Variants in POU2AF1 observed in about 807,000 individuals in gnomAD.
The protein encoded by POU2AF1 is POU domain class 2-associating factor 1.
In POU2AF1, 12 loss-of-function variants were observed where a neutral mutation model predicts 26.3. The ratio of observed to expected loss-of-function variants is 0.46; its 90% CI spans 0.29 to 0.74. The LOEUF (loss-of-function observed/expected upper bound fraction) is 0.74, where lower values mean the gene tolerates loss of function less well. Among genes scored for constraint, POU2AF1 ranks in the 30% least tolerant of loss-of-function variants. The probability of loss-of-function intolerance (pLI) is 0.09; values close to 1 mark genes in which losing one functional copy is unlikely to be tolerated. For missense variants in POU2AF1, 297 were observed against 334.5 expected, an observed-to-expected ratio of 0.89 and a Z score of 0.87; for synonymous variants, 175 against 148.0, an observed-to-expected ratio of 1.18 and a Z score of -1.32.
chr11:111,374,582 G>A (rs1447987630), intron 1 of POU2AF1, among the ~76,000 whole-genome samples: 1 of 152,200 alleles, frequency 6.6e-6, no homozygotes, highest in Non-Finnish European at 1.5e-5. Flanking sequence ...TATAATCTCA[G>A]CTACACAGGA....
intron 1 of POU2AF1, among the ~76,000 whole-genome samples, chr11:111,376,820 G>A (rs983316775): frequency 1.3e-5 from 2 of 152,080 alleles, no homozygotes; most frequent in Non-Finnish European, 2.9e-5. Context: ...TTTCCCACAC[G>A]GTTTAGTCAC....
chr11:111,363,095 A>G, intron 1 of POU2AF1: 1 of 993,752 alleles, frequency 1.0e-6, no homozygotes, highest in African/African-American at 1.7e-5. Context: ...TCACCCTCTA[A>G]TGTCTGGACT....
chr11:111,356,800 T>A (rs1260057769), intron 4 of POU2AF1, among the ~76,000 whole-genome samples: 4 of 152,322 alleles, frequency 2.6e-5, no homozygotes, highest in African/African-American at 9.6e-5. Context: ...TTTCATTTGA[T>A]CCTGACAACG....
Position 111,370,761 on chromosome 11 carries a change from C to T in POU2AF1, c.16+8401G>A, listed in dbSNP as rs1439532953. 2.0e-5 allele frequency among the ~76,000 whole-genome samples: 3 copies of T among 152,200 alleles called. No homozygotes were observed. The East Asian group carries it at 5.8e-4, about 29-fold the overall frequency. On this transcript the variant is annotated intron_variant, in intron 1 of 4. Coordinates refer to ENST00000393067, the MANE Select transcript of POU2AF1 (RefSeq NM_006235.3). The stretch of plus-strand genomic sequence containing the variant: ...TAATATTTTATGTCCTAAGATGCAT[C>T]TGCACACCCCAGGATCTAAGCAAGA...
At chr11:111,375,608 C>T (rs562916597) in intron 1 of POU2AF1, among the ~76,000 whole-genome samples, 1 of 152,010 alleles carries the variant, frequency 6.6e-6, no homozygotes, top group South Asian at 2.1e-4. Context: ...ACCATGTTAG[C>T]CAGGATGGTC....
intron 1 of POU2AF1, among the ~76,000 whole-genome samples, chr11:111,376,400 T>C (rs750163918): frequency 6.6e-6 from 1 of 152,196 alleles, no homozygotes; most frequent in African/African-American, 2.4e-5. Context: ...GACCAGCAGG[T>C]CCAAGTCCAG....
At chr11:111,378,966 C>T (rs996181651) in intron 1 of POU2AF1, among the ~76,000 whole-genome samples, 196 bp downstream of exon 1, 5 of 152,238 alleles carry the variant, frequency 3.3e-5, no homozygotes, top group Non-Finnish European at 5.9e-5. Flanking sequence ...TCAGCATCAC[C>T]TCTGACAGGC....
In POU2AF1 at chr11:111,354,170, A is replaced by T. The variant is rs1007066152; in HGVS notation, c.*91T>A. ...GCGTAGAAAGTGTAGTCATGAAATG[A>T]CTACTCCAAACAAGCATGAACCTGG... On this transcript the variant is annotated 3_prime_UTR_variant, in exon 5 of 5. Coordinates refer to ENST00000393067, the MANE Select transcript of POU2AF1 (RefSeq NM_006235.3). The T allele has an allele frequency of 1.1e-5, 15 of 1,393,332 alleles. No homozygotes were observed. In the African/African-American group the frequency reaches 2.2e-4, roughly 20 times the overall value. 86.3% of individuals were successfully genotyped at this position (1,393,332 alleles called of 1,614,324 possible).
chr11:111,357,919 C>A, intron 2 of POU2AF1, 82 bp from the exon 3 acceptor site: 1 of 1,384,950 alleles, frequency 7.2e-7, no homozygotes, highest in South Asian at 1.4e-5. Flanking sequence ...CAGAGGGCCT[C>A]AGGGCAGGAG....
At position 111,353,033 on chromosome 11, in the gene POU2AF1, GGAAGGAAGGAAGGAAGGAAGGAAA is replaced by G. The variant is rs1565357213; in HGVS notation, c.*1204_*1227del. On this transcript the variant is annotated 3_prime_UTR_variant, in exon 5 of 5. Transcript: ENST00000393067. The stretch of plus-strand genomic sequence containing the variant: ...AGGAAGGAAGGAAGGAAGGAAGGAA[GGAAGGAAGGAAGGAAGGAAGGAAA>G]GAAACAAAACCCACATGGTAGCACT... 407 of 150,308 alleles carry G rather than the reference GGAAGGAAGGAAGGAAGGAAGGAAA, an allele frequency of 2.7e-3. 5 individuals carry two copies. The highest frequency in any genetic ancestry group is 0.016 in the African/African-American group (369 of 23,582). 9.3% of individuals were successfully genotyped at this position (150,308 alleles called of 1,614,324 possible). A position where few individuals can be genotyped will look rare whatever the true frequency, so the allele number is the denominator to read the frequency against.
At chr11:111,378,096 G>T (rs906355614) in intron 1 of POU2AF1, among the ~76,000 whole-genome samples, 4 of 152,106 alleles carry the variant, frequency 2.6e-5, no homozygotes, top group Admixed American at 1.3e-4. Flanking sequence ...ACAATAAATT[G>T]GTGATGACAG....
At chr11:111,358,610 AC>A (rs1860931847) in intron 2 of POU2AF1, among the ~76,000 whole-genome samples, 177 bp downstream of exon 2, 1 of 96,550 alleles carries the variant, frequency 1.0e-5, no homozygotes, top group African/African-American at 3.1e-5. Context: ...ACTCTCACAC[AC>A]TGACGCAGAT....
intron 1 of POU2AF1, among the ~76,000 whole-genome samples, chr11:111,367,709 T>C (rs534666983): frequency 2.0e-3 from 309 of 152,294 alleles, no homozygotes; most frequent in Non-Finnish European, 3.4e-3. Context: ...TCTCCCTCAA[T>C]TGCCAATTTC....
At chr11:111,357,769 C>CACTCTA in intron 3 of POU2AF1, 26 bp downstream of exon 3, 1 of 1,612,638 alleles carries the variant, frequency 6.2e-7, no homozygotes, top group Non-Finnish European at 8.5e-7. Flanking sequence ...GGCCTGGGGG[C>CACTCTA]CACCAGGGCT....
At chr11:111,355,182 G>A (rs1354995051) in intron 4 of POU2AF1, among the ~76,000 whole-genome samples, 1 of 152,310 alleles carries the variant, frequency 6.6e-6, no homozygotes, top group African/African-American at 2.4e-5. Flanking sequence ...TGCTTTGTCA[G>A]CAAACTTGGC....
chr11:111,363,120 T>G (rs1861042508), intron 1 of POU2AF1: 1 of 1,009,716 alleles, frequency 9.9e-7, no homozygotes, highest in Non-Finnish European at 1.2e-6. Flanking sequence ...TGGAACTCAG[T>G]GTCAACAGGT....
At chr11:111,365,524 GA>G (rs1048448245) in intron 1 of POU2AF1, among the ~76,000 whole-genome samples, 3 of 151,460 alleles carry the variant, frequency 2.0e-5, no homozygotes, top group Non-Finnish European at 2.9e-5. Context: ...AATCTTCAAG[GA>G]AAAAAAACCC....
chr11:111,363,258 C>A, intron 1 of POU2AF1: 1 of 1,021,732 alleles, frequency 9.8e-7, no homozygotes, highest in Non-Finnish European at 1.2e-6. Flanking sequence ...AGCCAGCTGC[C>A]AAGGAATTCT....
At chr11:111,360,086 G>C (rs937632230) in intron 1 of POU2AF1, 7 of 517,626 alleles carry the variant, frequency 1.4e-5, no homozygotes, top group Non-Finnish European at 2.7e-5. Flanking sequence ...AAGAGCCAGT[G>C]CATAGGGCCC....
Sources: allele counts gnomAD v4.1 joint callset (sites outside exome capture counted in the v4.1 genomes callset), GRCh38; gene constraint gnomAD v4.1.1; transcripts MANE v1.5; gene names NCBI Gene and HGNC (gene_info 2026-07-23, HGNC 2026-07-21).